ASTN1: variants seen among roughly 807,000 people sequenced by gnomAD.
The protein encoded by ASTN1 is astrotactin-1.
In ASTN1, 41 loss-of-function variants were observed where a neutral mutation model predicts 140.7. That is an observed-to-expected ratio of 0.29 (90% CI 0.23 to 0.38). The LOEUF (loss-of-function observed/expected upper bound fraction) is 0.38, where lower values mean the gene tolerates loss of function less well. Among genes scored for constraint, ASTN1 ranks in the 10% least tolerant of loss-of-function variants. The pLI is 1.00. For missense variants in ASTN1, 1,479 were observed against 1,678.8 expected (o/e 0.88, Z 2.08); for synonymous variants, 640 against 652.2 (o/e 0.98, Z 0.29).
chr1:177,063,672 C>A (rs1558068658), intron 1 of ASTN1, among the ~76,000 whole-genome samples: 1 of 152,114 alleles, frequency 6.6e-6, no homozygotes, highest in Non-Finnish European at 1.5e-5. Flanking sequence ...GCTTATCCTT[C>A]CAACCACTAC....
intron 8 of ASTN1, among the ~76,000 whole-genome samples, chr1:176,998,650 C>A (rs1001922112): frequency 1.3e-5 from 2 of 152,180 alleles, no homozygotes; most frequent in African/African-American, 4.8e-5. Context: ...CTAGAGGGAA[C>A]TTCACCCACC....
At chr1:177,113,004 G>C (rs1368278005) in intron 1 of ASTN1, among the ~76,000 whole-genome samples, 1 of 152,148 alleles carries the variant, frequency 6.6e-6, no homozygotes, top group Non-Finnish European at 1.5e-5. Flanking sequence ...TCCCAACGCT[G>C]AACAAAGCAT....
chr1:177,029,263 AG>A (rs1676296310), intron 5 of ASTN1: 27 of 469,444 alleles, frequency 5.8e-5, no homozygotes, highest in South Asian at 4.1e-4. Flanking sequence ...TAGAGGAAGC[AG>A]GGGTACATAT....
chr1:176,985,815 T>C (rs1673865648), intron 8 of ASTN1, among the ~76,000 whole-genome samples: 1 of 151,338 alleles, frequency 6.6e-6, no homozygotes, highest in Admixed American at 6.6e-5. Context: ...TAGTCCTAGC[T>C]ATTTTATTGG....
At chr1:176,959,019 G>T (rs1672538719) in intron 9 of ASTN1, among the ~76,000 whole-genome samples, 1 of 152,098 alleles carries the variant, frequency 6.6e-6, no homozygotes, top group African/African-American at 2.4e-5. Context: ...ATGAACAAAT[G>T]AACAAAACAG....
chr1:176,935,328 T>A (rs1015470498), intron 15 of ASTN1, among the ~76,000 whole-genome samples: 1 of 152,232 alleles, frequency 6.6e-6, no homozygotes, highest in Non-Finnish European at 1.5e-5. Flanking sequence ...GCATCTGTGC[T>A]GGGTGCACAT....
chr1:177,131,061 T>A (rs552393036), intron 1 of ASTN1, among the ~76,000 whole-genome samples: 1 of 152,342 alleles, frequency 6.6e-6, no homozygotes, highest in South Asian at 2.1e-4. Flanking sequence ...CTCTTGTCTA[T>A]CCTCCCAGAT....
At chr1:176,860,836 A>G (rs1002654934), downstream of ASTN1, among the ~76,000 whole-genome samples, 23 of 152,230 alleles carry the variant, frequency 1.5e-4, no homozygotes, top group Admixed American at 3.9e-4. Context: ...TTCACCGGCT[A>G]CTTATTTGGA....
chr1:176,933,556 C>A (rs1671298259), intron 16 of ASTN1, among the ~76,000 whole-genome samples: 1 of 152,200 alleles, frequency 6.6e-6, no homozygotes, highest in Middle Eastern at 3.2e-3. Context: ...ATTCCAATTT[C>A]TTATACTTAC....
intron 8 of ASTN1, among the ~76,000 whole-genome samples, chr1:176,988,318 A>G (rs939389034): frequency 3.0e-4 from 41 of 137,214 alleles, no homozygotes; most frequent in South Asian, 9.4e-4. Flanking sequence ...ATATATTGGG[A>G]AAAAAAAAAA....
At chr1:177,000,503 A>G (rs1046227897) in intron 8 of ASTN1, among the ~76,000 whole-genome samples, 8 of 152,222 alleles carry the variant, frequency 5.3e-5, no homozygotes, top group Non-Finnish European at 1.0e-4. Context: ...ACATCATCCT[A>G]TACACAATTA....
chr1:176,885,216 G>A (rs961991531), intron 18 of ASTN1, among the ~76,000 whole-genome samples: 1 of 152,116 alleles, frequency 6.6e-6, no homozygotes, highest in African/African-American at 2.4e-5. Context: ...TGGATATCCT[G>A]GTTCCTGATT....
chr1:177,019,435 C>T (rs1021562217), intron 7 of ASTN1, among the ~76,000 whole-genome samples: 7 of 152,208 alleles, frequency 4.6e-5, no homozygotes, highest in African/African-American at 1.2e-4. Context: ...ACCTAATTTA[C>T]ATGCATGCTG....
At chr1:177,112,395 A>G (rs765612617) in intron 1 of ASTN1, among the ~76,000 whole-genome samples, 8 of 152,130 alleles carry the variant, frequency 5.3e-5, no homozygotes, top group Admixed American at 4.6e-4. Flanking sequence ...TTCTCTGAGC[A>G]CCTGGTGGAG....
At chr1:177,099,483 T>A (rs1413916683) in intron 1 of ASTN1, among the ~76,000 whole-genome samples, 1 of 152,128 alleles carries the variant, frequency 6.6e-6, no homozygotes, top group East Asian at 1.9e-4. Flanking sequence ...CCACAGGCAT[T>A]CATTGACTGT....
intron 1 of ASTN1, among the ~76,000 whole-genome samples, chr1:177,071,396 C>T (rs1413117369): frequency 5.9e-5 from 9 of 152,142 alleles, no homozygotes; most frequent in Admixed American, 5.9e-4. Context: ...CAAATGGATG[C>T]AATATTAAAA....
Position 176,888,111 on chromosome 1 carries a change from C to T in ASTN1, c.3034G>A (p.Ala1012Thr), listed in dbSNP as rs1362321272. The T allele has an allele frequency of 1.2e-6, 2 of 1,614,138 alleles. No homozygotes were observed. The highest frequency in any genetic ancestry group is 2.2e-5 in the East Asian group (1 of 44,870). Residue 1012 changes from alanine to threonine, a missense_variant, in exon 18 of 23, where the codon GCT (alanine) becomes ACT (threonine). Around this residue, in one of 3 missense-constraint regions of ASTN1, gnomAD observed 746 missense variants for 800.9 expected, o/e 0.93. Coordinates refer to ENST00000361833, the MANE Select transcript of ASTN1 (RefSeq NM_004319.3). Reference sequence around the variant, plus strand: ...GGCGCACAGGTGGGGAGTCCATCAGCTCCAAAAGCAGTGGAGTCACATCGA... The same window carrying T: ...GGCGCACAGGTGGGGAGTCCATCAGTTCCAAAAGCAGTGGAGTCACATCGA... ...WCRCDSTAFG[A>T]DGLPTCAPLP...
intron 1 of ASTN1, among the ~76,000 whole-genome samples, chr1:177,138,359 C>G (rs1682296839): frequency 1.3e-5 from 2 of 152,176 alleles, no homozygotes; most frequent in South Asian, 4.1e-4. Context: ...AATACACTAG[C>G]TGAAACTCAT....
chr1:177,020,567 TC>T (rs1356933952), intron 7 of ASTN1, among the ~76,000 whole-genome samples: 1 of 152,182 alleles, frequency 6.6e-6, no homozygotes, highest in Admixed American at 6.5e-5. Context: ...CAGATAATCT[TC>T]CCCCCAAATC....
Sources: gnomAD v4.1 joint callset for allele counts (sites outside exome capture counted in the v4.1 genomes callset) on GRCh38, gnomAD v4.1.1 for gene constraint, gnomAD v4.1.1 regional missense constraint, MANE v1.5 for transcripts, NCBI Gene and HGNC (gene_info 2026-07-23, HGNC 2026-07-21) for gene names.